The following OTP variants were observed in gnomAD, a reference collection of about 807,000 sequenced individuals.
OTP encodes the protein homeobox protein orthopedia.
A neutral mutation model predicts 22.3 loss-of-function variants in OTP; 5 were observed. That is an observed-to-expected ratio of 0.22 (90% CI 0.12 to 0.47). The LOEUF is 0.47. Ranked by LOEUF, OTP falls within the 20% of genes least tolerant of loss-of-function variation. The pLI, the probability that OTP is intolerant of heterozygous loss-of-function variation, is 0.99. For missense variants in OTP, 428 were observed against 456.2 expected (o/e 0.94, Z 0.56); for synonymous variants, 229 against 210.6 (o/e 1.09, Z -0.76).
chr5:77,630,065 T>C lies in OTP; in HGVS notation c.*199A>G. 1 of 269,024 alleles carries C rather than the reference T, an allele frequency of 3.7e-6. No individual in the cohort carries two copies. Among genetic ancestry groups the C allele is most frequent in the Non-Finnish European group, 6.7e-6 (1 of 149,064 alleles). 16.7% of individuals were successfully genotyped at this position (269,024 alleles called of 1,614,324 possible). A position where few individuals can be genotyped will look rare whatever the true frequency, so the allele number is the denominator to read the frequency against. ...GACGGGGGACCGCGGGCGATCGAAATCAGGCGGAGGGGAGGCCTCGCGGGC... is the reference window on the plus strand; with the variant it reads ...GACGGGGGACCGCGGGCGATCGAAACCAGGCGGAGGGGAGGCCTCGCGGGC... On this transcript the variant is annotated 3_prime_UTR_variant, in exon 3 of 3. Coordinates refer to ENST00000306422, the MANE Select transcript of OTP (RefSeq NM_032109.3).
chr5:77,635,183 A>G, intron 2 of OTP, among the ~76,000 whole-genome samples: 2 of 152,334 alleles, frequency 1.3e-5, no homozygotes, highest in South Asian at 4.1e-4. Context: ...GAATTAATAG[A>G]TAATCTTTCT....
chr5:77,634,195 A>G (rs1001109921), intron 2 of OTP, among the ~76,000 whole-genome samples: 2 of 152,246 alleles, frequency 1.3e-5, no homozygotes, highest in Non-Finnish European at 2.9e-5. Context: ...GCTAGAGACT[A>G]ATGATTATGC....
chr5:77,631,364 T>G lies in OTP; in HGVS notation c.448-570A>C, dbSNP rs577357685. ...GGAGAGGTTAATACAGTGATCTGCG[T>G]GGGAAAGTGAACGCCACTGAGCTAC... On this transcript the variant is annotated intron_variant, in intron 2 of 2. Transcript: ENST00000306422. 4.6e-5 allele frequency among the ~76,000 whole-genome samples: 7 copies of G among 152,168 alleles called. No individual in the cohort carries two copies. The South Asian group carries it at 1.5e-3, about 32-fold the overall frequency.
At chr5:77,635,868 A>G (rs1744997703) in intron 2 of OTP, 1 of 151,800 alleles carries the variant, frequency 6.6e-6, no homozygotes, top group Non-Finnish European at 1.5e-5. Flanking sequence ...GCACCTGTCC[A>G]TAAAATATTT....
At chr5:77,636,725 C>T in intron 2 of OTP, 96 bp downstream of exon 2, 3 of 1,284,928 alleles carry the variant, frequency 2.3e-6, no homozygotes, top group Non-Finnish European at 3.2e-6. Flanking sequence ...GAAAGCAGCC[C>T]AGGATCTCGA....
In OTP at chr5:77,630,511, C is replaced by A. The variant is rs202055986; in HGVS notation, c.731G>T (p.Gly244Val). 286 of 1,591,544 alleles carry A rather than the reference C, an allele frequency of 1.8e-4. 1 individual carries two copies. The African/African-American group carries it at 3.6e-3, about 20-fold the overall frequency. ...CAGGCCCATGGAGTTGGGCGGCGGA[C>A]CGGCCGCCAGGCTGCACTGGGACAG... is the stretch of plus-strand genomic sequence containing the variant. ...QSLSQCSLAA[G>V]PPPNSMGLSN... The change falls in exon 3 of 3, where the codon GGT (glycine) becomes GTT (valine). Residue 244 changes from glycine (G) to valine (V), a missense_variant. Transcript: ENST00000306422.
chr5:77,636,598 C>A (rs192346209), intron 2 of OTP: 172 of 454,796 alleles, frequency 3.8e-4, no homozygotes, highest in East Asian at 2.1e-3. Context: ...GAGCTTCTTC[C>A]GGGATGTCGC....
chr5:77,636,817 G>A lies in OTP; in HGVS notation c.447+4C>T, dbSNP rs1272909252. 2 of 1,605,456 alleles carry A rather than the reference G, an allele frequency of 1.2e-6. No individual in the cohort carries two copies. Among genetic ancestry groups the A allele is most frequent in the Non-Finnish European group, 1.7e-6 (2 of 1,174,532 alleles). On this transcript the variant is annotated splice_donor_region_variant and intron_variant, in intron 2 of 2. Coordinates refer to ENST00000306422, the MANE Select transcript of OTP (RefSeq NM_032109.3). ...TTCTGTCCCAGATCCCAAGCCCCTC[G>A]TACCTGCACTCGGGACTCGGTCAGC...
chr5:77,630,517 G>T lies in OTP; in HGVS notation c.725C>A (p.Ala242Glu). Residue 242 changes from alanine (A) to glutamate (E), a missense_variant, in exon 3 of 3, where the codon GCG becomes GAG. Physicochemically the swap from Ala to Glu is moderately radical, Grantham distance 107. Around this residue, in one of 3 missense-constraint regions of OTP, gnomAD observed 236 missense variants for 238.1 expected, o/e 0.99. Coordinates refer to ENST00000306422, the MANE Select transcript of OTP (RefSeq NM_032109.3). Reference sequence around the variant, plus strand: ...CATGGAGTTGGGCGGCGGACCGGCCGCCAGGCTGCACTGGGACAGCGACTG... The same window carrying T: ...CATGGAGTTGGGCGGCGGACCGGCCTCCAGGCTGCACTGGGACAGCGACTG... Reference protein sequence around the residue: ...MAQSLSQCSLAAGPPPNSMGL... With the variant: ...MAQSLSQCSLEAGPPPNSMGL... 2 of 1,590,130 alleles carry T rather than the reference G, an allele frequency of 1.3e-6. No individual in the cohort carries two copies. The highest frequency in any genetic ancestry group is 1.7e-6 in the Non-Finnish European group (2 of 1,170,982).
At position 77,630,283 on chromosome 5, in the gene OTP, A is replaced by G; in HGVS notation, c.959T>C (p.Val320Ala). The part of the protein sequence containing the change: ...SLRRKALEHT[V>A]SMSFT Reference sequence around the variant, plus strand: ...GCTGCATTAAGTGAAGCTCATAGAGACTGTGTGCTCTAGCGCCTTGCGGCG... The same window carrying G: ...GCTGCATTAAGTGAAGCTCATAGAGGCTGTGTGCTCTAGCGCCTTGCGGCG... The change falls in exon 3 of 3, where the codon GTC becomes GCC. Residue 320 changes from valine (V) to alanine (A), a missense_variant. By Grantham distance (64) the Val-to-Ala change is moderately conservative. Around this residue, in one of 3 missense-constraint regions of OTP, gnomAD observed 236 missense variants for 238.1 expected, o/e 0.99. Coordinates refer to ENST00000306422, the MANE Select transcript of OTP (RefSeq NM_032109.3). 1 of 1,556,606 alleles carries G rather than the reference A, an allele frequency of 6.4e-7. No homozygotes were observed. Among genetic ancestry groups the G allele is most frequent in the Non-Finnish European group, 8.7e-7 (1 of 1,154,056 alleles).
chr5:77,638,644 A>C lies in OTP; in HGVS notation c.-95T>G. 8.6e-7 allele frequency: 1 copy of C among 1,167,896 alleles called. No homozygotes were observed. The highest frequency in any genetic ancestry group is 1.6e-5 in the African/African-American group (1 of 62,714). The allele number at this position is 1,167,896 out of a possible 1,614,324, so 72.3% of individuals were successfully genotyped here. A position where few individuals can be genotyped will look rare whatever the true frequency, so the allele number is the denominator to read the frequency against. Reference sequence around the variant, plus strand: ...ATAAGCTATAAGCTATACGATATAGATATATATAGATCACCTAAATGAAAG... The same window carrying C: ...ATAAGCTATAAGCTATACGATATAGCTATATATAGATCACCTAAATGAAAG... On this transcript the variant is annotated 5_prime_UTR_variant, in exon 1 of 3. Transcript: ENST00000306422.
chr5:77,636,620 G>C, intron 2 of OTP: 1 of 561,132 alleles, frequency 1.8e-6, no homozygotes, highest in Non-Finnish European at 3.1e-6. Flanking sequence ...ATACTGGCCG[G>C]AGACGGGCCT....
chr5:77,629,961 TG>T lies in OTP; in HGVS notation c.*302del, dbSNP rs1744895693. On this transcript the variant is annotated 3_prime_UTR_variant, in exon 3 of 3. Coordinates refer to ENST00000306422, the MANE Select transcript of OTP (RefSeq NM_032109.3). ...GCCAGCGCAAGCAGGGAGGCCAGGG[TG>T]GCGGGAAGGGTGGGCTGAGGCGCTG... 7.2e-6 allele frequency: 1 copy of T among 139,336 alleles called. No individual in the cohort carries two copies. The highest frequency in any genetic ancestry group is 9.0e-5 in the Admixed American group (1 of 11,132). 8.6% of individuals were successfully genotyped at this position (139,336 alleles called of 1,614,324 possible).
chr5:77,636,598 C>T, intron 2 of OTP: 1 of 454,796 alleles, frequency 2.2e-6, no homozygotes, highest in East Asian at 3.5e-5. Context: ...GAGCTTCTTC[C>T]GGGATGTCGC....
rs568053749 is a variant in OTP, at chr5:77,638,376, A to C, written c.37+137T>G. 3 of 839,998 alleles carry C rather than the reference A, an allele frequency of 3.6e-6. No homozygotes were observed. The African/African-American group carries it at 5.2e-5, about 15-fold the overall frequency. 52.0% of individuals were successfully genotyped at this position (839,998 alleles called of 1,614,324 possible). ...TTTTTTTTAAAGGCGATGTTAAATC[A>C]AATTAAACTTTAATGCAGCACAATT... On this transcript the variant is annotated intron_variant, in intron 1 of 2. Transcript: ENST00000306422.
At chr5:77,637,385 A>C (rs747225010) in intron 1 of OTP, among the ~76,000 whole-genome samples, 155 bp from the exon 2 acceptor site, 1 of 152,232 alleles carries the variant, frequency 6.6e-6, no homozygotes, top group Non-Finnish European at 1.5e-5. Context: ...TGGGTTCCCC[A>C]GAATTTGGAC....
At position 77,630,576 on chromosome 5, in the gene OTP, C is replaced by T. The variant is rs375349657; in HGVS notation, c.666G>A (p.Leu222=). The change falls in exon 3 of 3, where the codon CTG becomes CTA. Residue 222 remains leucine, a synonymous_variant. Transcript: ENST00000306422. The part of the protein sequence containing the change: ...AAMPGVSQLP[L]PPALGRQQAM... ...CCTGCTGCCTGCCCAGCGCCGGCGG[C>T]AGAGGCAGCTGTGACACGCCAGGCA... 2.5e-4 allele frequency: 395 copies of T among 1,563,384 alleles called. 2 individuals carry two copies. In the African/African-American group the frequency reaches 4.7e-3, roughly 19 times the overall value.
At chr5:77,637,587 G>A (rs1262713821) in intron 1 of OTP, among the ~76,000 whole-genome samples, 1 of 152,160 alleles carries the variant, frequency 6.6e-6, no homozygotes, top group Non-Finnish European at 1.5e-5. Context: ...TGGACACAGG[G>A]GTGCGGGGGG....
In OTP at chr5:77,637,236, G is replaced by C; in HGVS notation, c.38-6C>G. ...CTCGGCGGCATCTTTCATACCTGAG[G>C]AGGCAAGGGGATCGCGGTCACTACT... On this transcript the variant is annotated splice_polypyrimidine_tract_variant and splice_region_variant and intron_variant, in intron 1 of 2. Coordinates refer to ENST00000306422, the MANE Select transcript of OTP (RefSeq NM_032109.3). The C allele has an allele frequency of 6.7e-7, 1 of 1,483,376 alleles. No homozygotes were observed. The highest frequency in any genetic ancestry group is 2.4e-5 in the East Asian group (1 of 41,150). The allele number at this position is 1,483,376 out of a possible 1,614,324, so 91.9% of individuals were successfully genotyped here.
Sources: gnomAD v4.1 joint callset for allele counts (sites outside exome capture counted in the v4.1 genomes callset) on GRCh38, gnomAD v4.1.1 for gene constraint, gnomAD v4.1.1 regional missense constraint, MANE v1.5 for transcripts, NCBI Gene and HGNC (gene_info 2026-07-23, HGNC 2026-07-21) for gene names.